FNBP1: variants seen among roughly 807,000 people sequenced by gnomAD.
FNBP1 encodes formin-binding protein 1.
FNBP1 carries 26 observed loss-of-function variants against 90.6 expected under a neutral mutation model. The ratio of observed to expected loss-of-function variants is 0.29; its 90% CI spans 0.21 to 0.40. The LOEUF (loss-of-function observed/expected upper bound fraction) is 0.40. Among genes scored for constraint, FNBP1 ranks in the 10% least tolerant of loss-of-function variants. The pLI is 1.00. For missense variants in FNBP1, 635 were observed against 768.0 expected, an observed-to-expected ratio of 0.83 and a Z score of 2.05; for synonymous variants, 260 against 265.2, an observed-to-expected ratio of 0.98 and a Z score of 0.19.
At chr9:129,942,423 T>C (rs868782698) in intron 6 of FNBP1, among the ~76,000 whole-genome samples, 5 of 152,190 alleles carry the variant, frequency 3.3e-5, no homozygotes, top group Admixed American at 2.6e-4. Context: ...CCTCTCTTTA[T>C]TGGGTCCTGA....
At chr9:130,002,833 G>A (rs990645501) in intron 1 of FNBP1, among the ~76,000 whole-genome samples, 7 of 151,966 alleles carry the variant, frequency 4.6e-5, no homozygotes, top group Non-Finnish European at 1.0e-4. Context: ...CAGGAACCTC[G>A]CTGAACCACT....
In FNBP1 at chr9:129,967,013, A is replaced by C. The variant is rs116952127; in HGVS notation, c.346-8460T>G. ...GGGGTAGATGTGGAAGAGGGGTGAGAAGTGCTTGGACTCAGAACATTTACT... is the reference window on the plus strand; with the variant it reads ...GGGGTAGATGTGGAAGAGGGGTGAGCAGTGCTTGGACTCAGAACATTTACT... On this transcript the variant is annotated intron_variant, in intron 4 of 16. Coordinates refer to ENST00000446176, the MANE Select transcript of FNBP1 (RefSeq NM_015033.3). 3.2e-4 allele frequency among the ~76,000 whole-genome samples: 49 copies of C among 152,268 alleles called. No homozygotes were observed. The East Asian group carries it at 8.1e-3, about 25-fold the overall frequency.
At chr9:130,005,646 G>A (rs1589217537) in intron 1 of FNBP1, among the ~76,000 whole-genome samples, 1 of 152,006 alleles carries the variant, frequency 6.6e-6, no homozygotes, top group East Asian at 1.9e-4. Flanking sequence ...CTGCCAAATT[G>A]AGAATATTAA....
At chr9:129,939,384 C>T (rs2043985996) in intron 6 of FNBP1, among the ~76,000 whole-genome samples, 1 of 148,948 alleles carries the variant, frequency 6.7e-6, no homozygotes, top group South Asian at 2.2e-4. Context: ...AGCAAGCCTC[C>T]GTCCCGAAAA....
chr9:129,899,979 A>G lies in FNBP1; in HGVS notation c.1673T>C (p.Leu558Pro). 1 of 1,608,010 alleles carries G rather than the reference A, an allele frequency of 6.2e-7. No individual in the cohort carries two copies. Among genetic ancestry groups the G allele is most frequent in the Non-Finnish European group, 8.5e-7 (1 of 1,177,364 alleles). The part of the protein sequence containing the change: ...PLPAIGTCKA[L>P]YTFEGQNEGT... ...TGAAATGTCACCTTCAAATGTGTAG[A>G]GAGCTTTGCACGTCCCTATGGCAGG... is the stretch of plus-strand genomic sequence containing the variant. Residue 558 changes from leucine (L) to proline (P), a missense_variant, in exon 15 of 17, where the codon CTC becomes CCC. Physicochemically the swap from Leu to Pro is moderately conservative, Grantham distance 98. Transcript: ENST00000446176.
chr9:130,017,161 A>G (rs1307534930), intron 1 of FNBP1, among the ~76,000 whole-genome samples: 2 of 152,178 alleles, frequency 1.3e-5, no homozygotes, highest in Admixed American at 6.6e-5. Context: ...TCATACCATA[A>G]GGAGTTCTTC....
At chr9:129,910,504 AAGAG>A (rs1554771987) in intron 11 of FNBP1, among the ~76,000 whole-genome samples, 45 of 104,058 alleles carry the variant, frequency 4.3e-4, no homozygotes, top group African/African-American at 1.4e-3. Flanking sequence ...AAAAAAAAAA[AAGAG>A]AGAGAGAAAT....
intron 6 of FNBP1, among the ~76,000 whole-genome samples, chr9:129,939,317 A>T (rs1007768113): frequency 6.7e-6 from 1 of 149,912 alleles, no homozygotes; most frequent in Admixed American, 6.7e-5. Context: ...TGAACTCACG[A>T]GGCAGAGGCT....
intron 1 of FNBP1, among the ~76,000 whole-genome samples, chr9:130,012,491 C>T (rs186657167): frequency 6.6e-6 from 1 of 152,072 alleles, no homozygotes; most frequent in African/African-American, 2.4e-5. Context: ...TGAGATAAAA[C>T]CTCTACTTTT....
intron 1 of FNBP1, among the ~76,000 whole-genome samples, chr9:130,020,712 C>A (rs1298907573): frequency 1.3e-5 from 2 of 152,190 alleles, no homozygotes; most frequent in African/African-American, 4.8e-5. Context: ...AGCGGAGACA[C>A]AGTCCAATTC....
intron 1 of FNBP1, among the ~76,000 whole-genome samples, chr9:130,034,514 T>C (rs980043369): frequency 2.6e-5 from 4 of 152,142 alleles, no homozygotes; most frequent in African/African-American, 7.2e-5. Flanking sequence ...TCCTTAAAAA[T>C]AGTTTTCGCC....
intron 16 of FNBP1, 73 bp downstream of exon 16, chr9:129,895,765 T>C (rs2047837): frequency 1 from 1,446,600 of 1,447,032 alleles, 723,087 homozygotes; most frequent in East Asian, 1. Flanking sequence ...GTAACAGTCA[T>C]GGTTGTGGGG....
intron 13 of FNBP1, among the ~76,000 whole-genome samples, chr9:129,901,691 C>T (rs1348900558): frequency 3.3e-5 from 5 of 151,984 alleles, no homozygotes; most frequent in African/African-American, 1.2e-4. Context: ...GTGGGTGGAG[C>T]ATCTGAGGTC....
intron 6 of FNBP1, among the ~76,000 whole-genome samples, chr9:129,954,267 T>C (rs1182620733): frequency 6.6e-6 from 1 of 152,028 alleles, no homozygotes; most frequent in African/African-American, 2.4e-5. Flanking sequence ...AAATATGGAA[T>C]CCGTAGTTTG....
At chr9:129,976,522 C>A (rs1033844127) in intron 4 of FNBP1, among the ~76,000 whole-genome samples, 1 of 152,168 alleles carries the variant, frequency 6.6e-6, no homozygotes, top group African/African-American at 2.4e-5. Flanking sequence ...AGGCCATATG[C>A]TACACATTTA....
At position 129,890,357 on chromosome 9, in the gene FNBP1, G is replaced by T; in HGVS notation, c.*182C>A. ...GGCGAGACTTGTCCCCCACGAGGTG[G>T]CCCGGGCTGGGCGGGAGGGCAGGGC... On this transcript the variant is annotated 3_prime_UTR_variant, in exon 17 of 17. Coordinates refer to ENST00000446176, the MANE Select transcript of FNBP1 (RefSeq NM_015033.3). The surrounding 1 kb of genome is among the most constrained non-coding windows in gnomAD (Gnocchi z 5.8). 3.3e-6 allele frequency: 2 copies of T among 613,036 alleles called. No individual in the cohort carries two copies. The highest frequency in any genetic ancestry group is 2.0e-5 in the South Asian group (1 of 50,386). 38.0% of individuals were successfully genotyped at this position (613,036 alleles called of 1,614,324 possible).
At chr9:130,035,657 A>T (rs963756849) in intron 1 of FNBP1, among the ~76,000 whole-genome samples, 3 of 152,174 alleles carry the variant, frequency 2.0e-5, no homozygotes, top group African/African-American at 7.2e-5. Context: ...ACTTTAAGAT[A>T]ATAGAGAGGT....
chr9:129,979,341 G>T lies in FNBP1; in HGVS notation c.174C>A (p.Asn58Lys). ...ACTTGTATTCTTCTTCCTCCTTCGA[G>T]TTCTTTTTAGGTTGGTACTTCTTTG... is the stretch of plus-strand genomic sequence containing the variant. The part of the protein sequence containing the change: ...NLSKKYQPKK[N>K]SKEEEEYKYT... Residue 58 changes from asparagine to lysine, a missense_variant, in exon 3 of 17, where the codon AAC becomes AAA. Physicochemically the swap from Asn to Lys is moderately conservative, Grantham distance 94. Coordinates refer to ENST00000446176, the MANE Select transcript of FNBP1 (RefSeq NM_015033.3). The T allele has an allele frequency of 6.2e-7, 1 of 1,607,120 alleles. No homozygotes were observed.
At chr9:129,912,914 TTTAA>T (rs1464656673) in intron 11 of FNBP1, among the ~76,000 whole-genome samples, 11 of 152,016 alleles carry the variant, frequency 7.2e-5, no homozygotes, top group African/African-American at 2.7e-4. Context: ...TTTATTTAAT[TTTAA>T]TTAATTAAAA....
Sources: gnomAD v4.1 joint callset for allele counts (sites outside exome capture counted in the v4.1 genomes callset) on GRCh38, gnomAD v4.1.1 for gene constraint, Gnocchi (gnomAD v3.1) non-coding constraint, MANE v1.5 for transcripts, NCBI Gene and HGNC (gene_info 2026-07-23, HGNC 2026-07-21) for gene names.